Variants in KCND3 observed in about 807,000 individuals in gnomAD.
KCND3 encodes the protein A-type voltage-gated potassium channel KCND3.
A neutral mutation model predicts 51.1 loss-of-function variants in KCND3; 9 were observed. That is an observed-to-expected ratio of 0.18 (90% CI 0.11 to 0.31). KCND3 has a LOEUF of 0.31. Ranked by LOEUF, KCND3 falls within the 10% of genes least tolerant of loss-of-function variation. The probability of loss-of-function intolerance (pLI) is 1.00; values close to 1 mark genes in which losing one functional copy is unlikely to be tolerated. For synonymous variants in KCND3, 349 were observed against 368.0 expected (o/e 0.95, Z 0.59); for missense variants, 526 against 903.8 (o/e 0.58, Z 5.36).
intron 2 of KCND3, among the ~76,000 whole-genome samples, chr1:111,885,906 C>T (rs771834912): frequency 2.0e-5 from 3 of 152,132 alleles, no homozygotes; most frequent in East Asian, 1.9e-4. Flanking sequence ...CTCCTGACCT[C>T]GTGATCCACC....
chr1:111,914,749 C>T (rs996236915), intron 2 of KCND3, among the ~76,000 whole-genome samples: 1 of 151,840 alleles, frequency 6.6e-6, no homozygotes, highest in East Asian at 1.9e-4. Flanking sequence ...GCAGATTTGC[C>T]TGTAAGAAAT....
intron 2 of KCND3, among the ~76,000 whole-genome samples, chr1:111,924,323 G>A (rs1671602824): frequency 6.6e-6 from 1 of 152,194 alleles, no homozygotes; most frequent in South Asian, 2.1e-4. Context: ...AGTGGTCTCT[G>A]AGCAATAAAT....
intron 2 of KCND3, among the ~76,000 whole-genome samples, chr1:111,926,694 C>T (rs1263526710): frequency 6.6e-6 from 1 of 152,264 alleles, no homozygotes; most frequent in African/African-American, 2.4e-5. Context: ...TCTCTCAATG[C>T]CTGGCTTCCC....
rs190572832 is a variant in KCND3, at chr1:111,866,053, G to A, written c.1107-78947C>T. Reference sequence around the variant, plus strand: ...TGAAAAAATTTTTCTTTTTGGGGGCGCAGATTAATTTTTAAATAAAATATT... The same window carrying A: ...TGAAAAAATTTTTCTTTTTGGGGGCACAGATTAATTTTTAAATAAAATATT... On this transcript the variant is annotated intron_variant, in intron 2 of 7. Transcript: ENST00000302127. Among the ~76,000 whole-genome samples, 561 of 151,782 alleles carry A rather than the reference G, an allele frequency of 3.7e-3. 1 individual carries two copies. Among genetic ancestry groups the A allele is most frequent in the Non-Finnish European group, 4.8e-3 (327 of 67,920 alleles).
intron 2 of KCND3, among the ~76,000 whole-genome samples, chr1:111,937,558 T>C (rs1672281576): frequency 6.6e-6 from 1 of 152,186 alleles, no homozygotes; most frequent in Non-Finnish European, 1.5e-5. Context: ...TGCTCCACAC[T>C]GGGGCTCATG....
rs139425349 is a variant in KCND3, at chr1:111,849,966, G to A, written c.1107-62860C>T. ...CCGTGGGCCCTCCATATCTTCCATCGGATCTCCCTGCCTGATTCAGCTCTC... is the reference window on the plus strand; with the variant it reads ...CCGTGGGCCCTCCATATCTTCCATCAGATCTCCCTGCCTGATTCAGCTCTC... On this transcript the variant is annotated intron_variant, in intron 2 of 7. Coordinates refer to ENST00000302127, the MANE Select transcript of KCND3 (RefSeq NM_001378969.1). Among the ~76,000 whole-genome samples the A allele has an allele frequency of 2.0e-4, 31 of 152,072 alleles. No homozygotes were observed. In the East Asian group the frequency reaches 5.6e-3, roughly 28 times the overall value.
chr1:111,904,462 T>G (rs2101799304), intron 2 of KCND3, among the ~76,000 whole-genome samples: 1 of 152,296 alleles, frequency 6.6e-6, no homozygotes, highest in African/African-American at 2.4e-5. Flanking sequence ...TGCTTTACTT[T>G]TTGCCTGTGT....
At chr1:111,846,982 C>T (rs535176635) in intron 2 of KCND3, among the ~76,000 whole-genome samples, 6 of 152,302 alleles carry the variant, frequency 3.9e-5, no homozygotes, top group East Asian at 1.9e-4. Flanking sequence ...AGGGCAGAGA[C>T]GGCACCTTTT....
intron 2 of KCND3, among the ~76,000 whole-genome samples, chr1:111,854,526 G>A (rs1173269865): frequency 6.6e-6 from 1 of 152,156 alleles, no homozygotes; most frequent in Non-Finnish European, 1.5e-5. Flanking sequence ...AGGTGAGTCG[G>A]TTGTCCAGTG....
At chr1:111,944,770 C>A (rs1007681301) in intron 2 of KCND3, among the ~76,000 whole-genome samples, 4 of 152,202 alleles carry the variant, frequency 2.6e-5, no homozygotes, top group Non-Finnish European at 5.9e-5. Flanking sequence ...GAATATATTC[C>A]CTGGGGGTGA....
In KCND3 at chr1:111,809,962, C is replaced by T. The variant is rs76795949; in HGVS notation, c.1107-22856G>A. ...CCAACCAAATGGTTTTTCCTAGCCC[C>T]CTCCTGGGCTCTAAAGGCAGCACCA... On this transcript the variant is annotated intron_variant, in intron 2 of 7. Coordinates refer to ENST00000302127, the MANE Select transcript of KCND3 (RefSeq NM_001378969.1). Among the ~76,000 whole-genome samples, 33 of 152,302 alleles carry T rather than the reference C, an allele frequency of 2.2e-4. No homozygotes were observed. The East Asian group carries it at 6.2e-3, about 29-fold the overall frequency.
intron 2 of KCND3, among the ~76,000 whole-genome samples, chr1:111,889,719 G>A (rs1296438464): frequency 6.6e-6 from 1 of 152,192 alleles, no homozygotes; most frequent in East Asian, 1.9e-4. Context: ...GAGGAAAAAT[G>A]TAGGGAATCT....
rs1218529201 is a variant in KCND3 at position 111,770,800 on chromosome 1, T to A, written c.*5277A>T. On this transcript the variant is annotated 3_prime_UTR_variant, in exon 8 of 8. Coordinates refer to ENST00000302127, the MANE Select transcript of KCND3 (RefSeq NM_001378969.1). ...GTTTCAAAAGAAGACGACAGGAAAC[T>A]CAAGGGTGTTTTTTTTTTTTCATAG... 1 of 116,452 alleles carries A rather than the reference T, an allele frequency of 8.6e-6. No individual in the cohort carries two copies. The highest frequency in any genetic ancestry group is 2.2e-4 in the East Asian group (1 of 4,626). 7.2% of individuals were successfully genotyped at this position (116,452 alleles called of 1,614,324 possible).
chr1:111,803,615 T>C (rs1665426353), intron 2 of KCND3, among the ~76,000 whole-genome samples: 1 of 152,168 alleles, frequency 6.6e-6, no homozygotes, highest in Non-Finnish European at 1.5e-5. Flanking sequence ...TGCTCCATCA[T>C]CTGCTCCATG....
intron 2 of KCND3, among the ~76,000 whole-genome samples, chr1:111,812,437 G>A (rs1665897028): frequency 6.6e-6 from 1 of 152,222 alleles, no homozygotes; most frequent in Non-Finnish European, 1.5e-5. Context: ...CCATCAGATT[G>A]CAATGTGGCT....
chr1:111,837,777 T>C (rs560942280), intron 2 of KCND3, among the ~76,000 whole-genome samples: 56 of 152,078 alleles, frequency 3.7e-4, no homozygotes, highest in Non-Finnish European at 7.6e-4. Flanking sequence ...ATGCCCCCCC[T>C]CGAAAAACAC....
At chr1:111,888,460 T>C (rs1471643117) in intron 2 of KCND3, among the ~76,000 whole-genome samples, 2 of 151,704 alleles carry the variant, frequency 1.3e-5, no homozygotes, top group Non-Finnish European at 2.9e-5. Context: ...CCAAGGCGGG[T>C]GGATCACCTG....
At chr1:111,868,849 T>C (rs979519897) in intron 2 of KCND3, among the ~76,000 whole-genome samples, 2 of 152,170 alleles carry the variant, frequency 1.3e-5, no homozygotes, top group African/African-American at 4.8e-5. Flanking sequence ...GATCCTCCCA[T>C]CTTAGCCTTC....
chr1:111,847,103 A>T (rs995688613), intron 2 of KCND3, among the ~76,000 whole-genome samples: 1 of 152,172 alleles, frequency 6.6e-6, no homozygotes, highest in African/African-American at 2.4e-5. Flanking sequence ...ACCAAAATAA[A>T]ACCCCATGAC....
Sources: gnomAD v4.1 joint callset for allele counts (sites outside exome capture counted in the v4.1 genomes callset) on GRCh38, gnomAD v4.1.1 for gene constraint, MANE v1.5 for transcripts, NCBI Gene and HGNC (gene_info 2026-07-23, HGNC 2026-07-21) for gene names.